The following NAALADL2 variants were observed in gnomAD, a reference collection of about 807,000 sequenced individuals.
NAALADL2 encodes the protein N-acetylated alpha-linked acidic dipeptidase like 2.
NAALADL2 carries 76 observed loss-of-function variants against 87.2 expected under a neutral mutation model. That is an observed-to-expected ratio of 0.87 (90% CI 0.72 to 1.05). NAALADL2 has a LOEUF of 1.05. Ranked by LOEUF, NAALADL2 falls within the 50% of genes least tolerant of loss-of-function variation. The pLI, the probability that NAALADL2 is intolerant of heterozygous loss-of-function variation, is 0.00. For missense variants in NAALADL2, 1,089 were observed against 945.8 expected, an observed-to-expected ratio of 1.15 and a Z score of -1.99; for synonymous variants, 354 against 331.0, an observed-to-expected ratio of 1.07 and a Z score of -0.75.
intron 10 of NAALADL2, among the ~76,000 whole-genome samples, chr3:175,580,348 C>T (rs1381369409): frequency 3.9e-5 from 6 of 152,084 alleles, no homozygotes; most frequent in African/African-American, 1.4e-4. Context: ...TGACAATACA[C>T]ATATACAGAT....
chr3:175,748,902 C>T (rs9845902), intron 12 of NAALADL2, among the ~76,000 whole-genome samples: 4,632 of 151,620 alleles, frequency 0.031, 175 homozygotes, highest in African/African-American at 0.094. Flanking sequence ...GCTAGGAGTT[C>T]AAGATGAACC....
chr3:175,059,109 T>C (rs908739547), intron 1 of NAALADL2, among the ~76,000 whole-genome samples: 1 of 151,878 alleles, frequency 6.6e-6, no homozygotes, highest in African/African-American at 2.4e-5. Context: ...ACACTTCGTG[T>C]GAAGTCATTG....
chr3:175,514,703 C>T (rs1287606338), intron 9 of NAALADL2, among the ~76,000 whole-genome samples: 1 of 151,982 alleles, frequency 6.6e-6, no homozygotes, highest in Non-Finnish European at 1.5e-5. Flanking sequence ...GAAATATGGG[C>T]CACACAAGCA....
chr3:174,813,452 T>C (rs1175723195), intron 3 of NAALADL2, among the ~76,000 whole-genome samples: 1 of 152,152 alleles, frequency 6.6e-6, no homozygotes, highest in Non-Finnish European at 1.5e-5. Flanking sequence ...ATTGCCTATG[T>C]ATTCAGTATA....
chr3:175,337,769 A>G (rs1002677036), intron 5 of NAALADL2, among the ~76,000 whole-genome samples: 3 of 152,220 alleles, frequency 2.0e-5, no homozygotes, highest in Non-Finnish European at 4.4e-5. Flanking sequence ...AGAAAGATTT[A>G]CAATTTTTCA....
chr3:174,628,474 C>CAAAA (rs5854584), intron 2 of NAALADL2, among the ~76,000 whole-genome samples: 9 of 86,578 alleles, frequency 1.0e-4, no homozygotes, highest in African/African-American at 4.0e-4. Flanking sequence ...GAGACTGTCT[C>CAAAA]AAAAAAAAAA....
intron 1 of NAALADL2, among the ~76,000 whole-genome samples, chr3:174,961,957 G>A (rs546436773): frequency 6.6e-6 from 1 of 150,858 alleles, no homozygotes; most frequent in South Asian, 2.1e-4. Flanking sequence ...CTGTAGCAGG[G>A]TTGGTCTGTG....
intron 2 of NAALADL2, among the ~76,000 whole-genome samples, chr3:175,142,913 G>A (rs551663709): frequency 6.6e-5 from 10 of 151,840 alleles, no homozygotes; most frequent in Admixed American, 2.6e-4. Context: ...CTGTCACATC[G>A]TAGCTTTTAA....
At chr3:174,623,470 A>ATATAAAATATACAT (rs1721243831) in intron 2 of NAALADL2, among the ~76,000 whole-genome samples, 1 of 152,226 alleles carries the variant, frequency 6.6e-6, no homozygotes, top group East Asian at 1.9e-4. Context: ...ATGATAGACT[A>ATATAAAATATACAT]GTATATACAT....
chr3:175,087,994 C>T (rs951571137), intron 1 of NAALADL2, among the ~76,000 whole-genome samples: 4 of 151,692 alleles, frequency 2.6e-5, no homozygotes, highest in African/African-American at 9.7e-5. Flanking sequence ...ATGAACTTCA[C>T]AATTCTTGGT....
chr3:174,611,951 T>C (rs1051434353), intron 2 of NAALADL2, among the ~76,000 whole-genome samples: 1 of 151,966 alleles, frequency 6.6e-6, no homozygotes, highest in Non-Finnish European at 1.5e-5. Context: ...ACGTGCTCCC[T>C]TTAGCATTTT....
At chr3:174,564,075 T>C (rs1228551144) in intron 2 of NAALADL2, among the ~76,000 whole-genome samples, 3 of 152,176 alleles carry the variant, frequency 2.0e-5, no homozygotes, top group Admixed American at 6.6e-5. Context: ...TAGGTATGCC[T>C]GACCAAAGTT....
intron 5 of NAALADL2, among the ~76,000 whole-genome samples, chr3:175,406,407 G>T (rs1202519425): frequency 2.0e-5 from 3 of 152,128 alleles, no homozygotes; most frequent in Non-Finnish European, 4.4e-5. Flanking sequence ...AGATTAATTT[G>T]GGGGAAACTG....
intron 1 of NAALADL2, among the ~76,000 whole-genome samples, chr3:174,918,762 C>A (rs1388846662): frequency 6.6e-6 from 1 of 152,044 alleles, no homozygotes; most frequent in East Asian, 1.9e-4. Flanking sequence ...CAAAACCAGT[C>A]CAGATGCAGG....
At position 175,505,336 on chromosome 3, in the gene NAALADL2, T is replaced by A. The variant is rs1011169376; in HGVS notation, c.1653+33578T>A. On this transcript the variant is annotated intron_variant, in intron 9 of 13. Coordinates refer to ENST00000454872, the MANE Select transcript of NAALADL2 (RefSeq NM_207015.3). ...CACACATGTGTGACAATGACTTATG[T>A]CTCCACAGCCCCAACTACCATCTAA... 2.0e-5 allele frequency among the ~76,000 whole-genome samples: 3 copies of A among 151,700 alleles called. 1 individual carries two copies. In the South Asian group the frequency reaches 6.2e-4, roughly 32 times the overall value.
At chr3:174,650,537 A>C (rs1415868351) in intron 2 of NAALADL2, among the ~76,000 whole-genome samples, 1 of 152,146 alleles carries the variant, frequency 6.6e-6, no homozygotes, top group African/African-American at 2.4e-5. Flanking sequence ...CACATTAGTG[A>C]AAAACAAGTT....
intron 1 of NAALADL2, among the ~76,000 whole-genome samples, chr3:174,950,399 G>A (rs1227317890): frequency 6.6e-6 from 1 of 152,034 alleles, no homozygotes; most frequent in African/African-American, 2.4e-5. Context: ...TTTGACCAAT[G>A]CATTGATTTT....
intron 9 of NAALADL2, among the ~76,000 whole-genome samples, chr3:175,543,334 A>G (rs58202865): frequency 0.044 from 6,738 of 152,176 alleles, 308 homozygotes; most frequent in African/African-American, 0.12. Flanking sequence ...TGAACACCAT[A>G]TTGATATTAT....
intron 9 of NAALADL2, among the ~76,000 whole-genome samples, chr3:175,493,849 C>CATACACATACACAT (rs1728447416): frequency 6.6e-6 from 1 of 152,114 alleles, no homozygotes; most frequent in Non-Finnish European, 1.5e-5. Flanking sequence ...TACACATACA[C>CATACACATACACAT]ACAGTGAAAG....
Sources: gnomAD v4.1 joint callset for allele counts (sites outside exome capture counted in the v4.1 genomes callset) on GRCh38, gnomAD v4.1.1 for gene constraint, MANE v1.5 for transcripts, NCBI Gene and HGNC (gene_info 2026-07-23, HGNC 2026-07-21) for gene names.